The following TET2 variants were observed in gnomAD, a reference collection of about 807,000 sequenced individuals.
The protein encoded by TET2 is methylcytosine dioxygenase TET2.
In TET2, 299 loss-of-function variants were observed where a neutral mutation model predicts 142.9. The ratio of observed to expected loss-of-function variants is 2.09; its 90% CI spans 1.90 to 2.30. The LOEUF is 2.30. TET2 is among the 30% of genes most tolerant of loss of function. The probability of loss-of-function intolerance (pLI) is 0.00; values close to 1 mark genes in which losing one functional copy is unlikely to be tolerated. For synonymous variants in TET2, 819 were observed against 849.0 expected (o/e 0.96, Z 0.61); for missense variants, 2,418 against 2,378.0 (o/e 1.02, Z -0.35).
intron 2 of TET2, among the ~76,000 whole-genome samples, chr4:105,229,074 G>C (rs1578658989): frequency 6.6e-6 from 1 of 152,106 alleles, no homozygotes; most frequent in African/African-American, 2.4e-5. Flanking sequence ...AGTTCAACAT[G>C]TATTAAATAT....
chr4:105,186,775 A>G (rs575854694), intron 1 of TET2, among the ~76,000 whole-genome samples: 7 of 152,272 alleles, frequency 4.6e-5, no homozygotes, highest in African/African-American at 1.7e-4. Context: ...GCCTGGCTTC[A>G]TGATCCAAAA....
Position 105,210,317 on chromosome 4 carries a change from T to G in TET2, c.-47+19812T>G, listed in dbSNP as rs1025527284. Among the ~76,000 whole-genome samples, 4 of 152,178 alleles carry G rather than the reference T, an allele frequency of 2.6e-5. No homozygotes were observed. The South Asian group carries it at 6.2e-4, about 24-fold the overall frequency. On this transcript the variant is annotated intron_variant, in intron 2 of 10. Coordinates refer to ENST00000380013, the MANE Select transcript of TET2 (RefSeq NM_001127208.3). ...TCTCAATATCTTCCTGGCCATCTCT[T>G]GGGTCACCTTGTTGACTTTTCATTC...
At chr4:105,171,649 A>G (rs1292653315) in intron 1 of TET2, 1 of 152,212 alleles carries the variant, frequency 6.6e-6, no homozygotes, top group East Asian at 1.9e-4. Flanking sequence ...CTCTTGAGCT[A>G]CAACTGCCTC....
chr4:105,176,281 T>G (rs966611845), intron 1 of TET2, among the ~76,000 whole-genome samples: 1 of 152,160 alleles, frequency 6.6e-6, no homozygotes, highest in Non-Finnish European at 1.5e-5. Flanking sequence ...CTACTGGAAG[T>G]GCTACCTAAT....
At chr4:105,221,330 C>T (rs866835521) in intron 2 of TET2, among the ~76,000 whole-genome samples, 9 of 152,108 alleles carry the variant, frequency 5.9e-5, no homozygotes, top group Admixed American at 2.6e-4. Flanking sequence ...AAACTGAAAG[C>T]AGATTTATAC....
At chr4:105,239,322 G>T (rs935790324) in intron 3 of TET2, 2 of 239,764 alleles carry the variant, frequency 8.3e-6, no homozygotes, top group Non-Finnish European at 1.8e-5. Context: ...TTGAAGCAAG[G>T]CATTGACTTC....
At chr4:105,165,553 T>G (rs1351085523) in intron 1 of TET2, among the ~76,000 whole-genome samples, 1 of 152,202 alleles carries the variant, frequency 6.6e-6, no homozygotes, top group Non-Finnish European at 1.5e-5. Context: ...AGAAACTGCT[T>G]TCATTGAAAT....
At chr4:105,265,571 G>A (rs1414085104) in intron 8 of TET2, among the ~76,000 whole-genome samples, 1 of 152,188 alleles carries the variant, frequency 6.6e-6, no homozygotes, top group Non-Finnish European at 1.5e-5. Flanking sequence ...TTAAAGAGTA[G>A]TTGGTACCTT....
chr4:105,193,107 C>T (rs1725881752), intron 2 of TET2, among the ~76,000 whole-genome samples: 1 of 152,060 alleles, frequency 6.6e-6, no homozygotes, highest in Non-Finnish European at 1.5e-5. Flanking sequence ...TAGCAAGGTC[C>T]ATCTGGACTA....
chr4:105,146,060 G>A (rs1171416051), upstream of TET2: 1 of 152,474 alleles, frequency 6.6e-6, no homozygotes, highest in African/African-American at 2.4e-5. Context: ...GGGATCTAAA[G>A]GGAGATAGAG....
At chr4:105,242,675 C>T in intron 4 of TET2, 159 bp from the exon 5 acceptor site, 1 of 1,372,448 alleles carries the variant, frequency 7.3e-7, no homozygotes, top group South Asian at 2.0e-5. Context: ...AACCATTATC[C>T]AGTTTGCTTG....
At chr4:105,214,294 G>A (rs976720591) in intron 2 of TET2, among the ~76,000 whole-genome samples, 5 of 140,432 alleles carry the variant, frequency 3.6e-5, no homozygotes, top group Non-Finnish European at 6.1e-5. Context: ...CTTGTCCCCC[G>A]AGGGAGATTT....
intron 10 of TET2, among the ~76,000 whole-genome samples, chr4:105,274,454 A>G (rs1001650833): frequency 5.9e-5 from 9 of 152,146 alleles, no homozygotes; most frequent in Admixed American, 1.3e-4. Context: ...TTTTTTTCAC[A>G]ACATTCCCGA....
rs1553948847 is a variant in TET2, at chr4:105,203,602, A to ACAATACATTACGTTTTGTATAC, written c.-47+13109_-47+13130dup. On this transcript the variant is annotated intron_variant, in intron 2 of 10. Transcript: ENST00000380013. Reference sequence around the variant, plus strand: ...CAGAAGGGAGTGCCTGGCTTTGTATACAATACATTACGTTTTGTATACCAA... The same window carrying ACAATACATTACGTTTTGTATAC: ...CAGAAGGGAGTGCCTGGCTTTGTATACAATACATTACGTTTTGTATACCAATACATTACGTTTTGTATACCAA... 1.4e-3 allele frequency among the ~76,000 whole-genome samples: 219 copies of ACAATACATTACGTTTTGTATAC among 151,726 alleles called. 1 individual carries two copies. Among genetic ancestry groups the ACAATACATTACGTTTTGTATAC allele is most frequent in the African/African-American group, 5.0e-3 (207 of 41,048 alleles).
At chr4:105,237,711 T>A in intron 3 of TET2, 1 of 1,284,606 alleles carries the variant, frequency 7.8e-7, no homozygotes, top group South Asian at 1.8e-5. Context: ...TCTATTAAAA[T>A]GAGAAAATAA....
chr4:105,227,155 T>A (rs887997240), intron 2 of TET2, among the ~76,000 whole-genome samples: 1 of 152,238 alleles, frequency 6.6e-6, no homozygotes, highest in African/African-American at 2.4e-5. Flanking sequence ...TCCTGAGGAA[T>A]ATGTTAAAAA....
intron 1 of TET2, among the ~76,000 whole-genome samples, chr4:105,180,432 A>G (rs1393059427): frequency 6.6e-6 from 1 of 152,124 alleles, no homozygotes; most frequent in African/African-American, 2.4e-5. Flanking sequence ...TAGATAAAAT[A>G]TATACAATTG....
In TET2 at chr4:105,275,120, A is replaced by AGCCCCAGCAGCAGCAGAG. The variant is rs1230159851; in HGVS notation, c.4611_4628dup (p.Arg1543_Gln1548dup). 6.4e-7 allele frequency: 1 copy of AGCCCCAGCAGCAGCAGAG among 1,551,670 alleles called. No individual in the cohort carries two copies. Among genetic ancestry groups the AGCCCCAGCAGCAGCAGAG allele is most frequent in the Non-Finnish European group, 8.7e-7 (1 of 1,146,924 alleles). On this transcript the variant is annotated inframe_insertion, in exon 11 of 11. Coordinates refer to ENST00000380013, the MANE Select transcript of TET2 (RefSeq NM_001127208.3). The stretch of plus-strand genomic sequence containing the variant: ...CAGCCTCTACAGAAGCAGCCACCAC[A>AGCCCCAGCAGCAGCAGAG]GCCCCAGCAGCAGCAGAGACCCCAG...
intron 6 of TET2, among the ~76,000 whole-genome samples, chr4:105,259,252 G>A (rs1010419108): frequency 3.3e-5 from 5 of 152,190 alleles, no homozygotes; most frequent in African/African-American, 1.2e-4. Flanking sequence ...ATAAAAATAG[G>A]CAGAACTACT....
Sources: gnomAD v4.1 joint callset for allele counts (sites outside exome capture counted in the v4.1 genomes callset) on GRCh38, gnomAD v4.1.1 for gene constraint, MANE v1.5 for transcripts, NCBI Gene and HGNC (gene_info 2026-07-23, HGNC 2026-07-21) for gene names.